The following WWOX variants were observed in gnomAD, a reference collection of about 807,000 sequenced individuals.
WWOX encodes the protein WW domain-containing oxidoreductase.
Under a neutral mutation model 46.2 loss-of-function variants are expected in WWOX, and 69 were observed. That is an observed-to-expected ratio of 1.49 (90% confidence interval 1.23 to 1.82). The LOEUF is 1.82. Among genes scored for constraint, WWOX ranks in the 40% most tolerant of loss-of-function variants. The pLI is 0.00. For synonymous variants in WWOX, 359 were observed against 202.6 expected (o/e 1.77, Z -6.56); for missense variants, 919 against 542.6 (o/e 1.69, Z -6.89).
chr16:78,670,901 G>C (rs1567478616), intron 8 of WWOX, among the ~76,000 whole-genome samples: 1 of 151,942 alleles, frequency 6.6e-6, no homozygotes, highest in Admixed American at 6.6e-5. Flanking sequence ...CATCCAATAA[G>C]AATGTCCTTA....
At chr16:78,263,595 G>C (rs537584134) in intron 5 of WWOX, among the ~76,000 whole-genome samples, 9 of 152,212 alleles carry the variant, frequency 5.9e-5, no homozygotes, top group Non-Finnish European at 1.2e-4. Flanking sequence ...GCTTTGCAGA[G>C]ACTTTGTGAT....
chr16:78,666,257 C>A (rs4887971), intron 8 of WWOX, among the ~76,000 whole-genome samples: 14 of 151,834 alleles, frequency 9.2e-5, no homozygotes, highest in African/African-American at 3.1e-4. Flanking sequence ...CCACTGCACT[C>A]TAGCCTGGGT....
intron 8 of WWOX, among the ~76,000 whole-genome samples, chr16:79,093,318 A>T (rs1428256941): frequency 6.6e-6 from 1 of 152,224 alleles, no homozygotes; most frequent in African/African-American, 2.4e-5. Context: ...AGTTGCGTTT[A>T]GGGGATGAGA....
chr16:78,396,900 T>A (rs1240195910), intron 6 of WWOX, among the ~76,000 whole-genome samples: 1 of 152,226 alleles, frequency 6.6e-6, no homozygotes, highest in African/African-American at 2.4e-5. Flanking sequence ...GGAAGTGGCT[T>A]GGATTTGGTA....
At position 79,211,832 on chromosome 16, in the gene WWOX, CTG is replaced by C. The variant is rs747157054; in HGVS notation, c.*44_*45del. The C allele has an allele frequency of 6.2e-7, 1 of 1,612,670 alleles. No individual in the cohort carries two copies. Among genetic ancestry groups the C allele is most frequent in the African/African-American group, 1.3e-5 (1 of 74,936 alleles). ...GAGCGGATGGGCACACACACCCGCC[CTG>C]TGTGTGTCCCCTCACGCAAGTGCCA... On this transcript the variant is annotated 3_prime_UTR_variant, in exon 9 of 9. Coordinates refer to ENST00000566780, the MANE Select transcript of WWOX (RefSeq NM_016373.4).
At chr16:78,622,151 A>G (rs1279316332) in intron 8 of WWOX, among the ~76,000 whole-genome samples, 3 of 152,160 alleles carry the variant, frequency 2.0e-5, no homozygotes, top group Non-Finnish European at 4.4e-5. Flanking sequence ...ACTATTGGGA[A>G]GAAATTTGGG....
intron 8 of WWOX, among the ~76,000 whole-genome samples, chr16:78,976,273 C>G (rs1160437246): frequency 1.3e-5 from 2 of 152,206 alleles, no homozygotes; most frequent in East Asian, 3.8e-4. Context: ...TCTTGTGAAA[C>G]ACTCCTACTT....
At chr16:78,881,268 T>A (rs896875732) in intron 8 of WWOX, among the ~76,000 whole-genome samples, 1 of 152,146 alleles carries the variant, frequency 6.6e-6, no homozygotes, top group Admixed American at 6.5e-5. Flanking sequence ...CCTCCCAAAG[T>A]GCTAGGGTTA....
At chr16:78,198,580 C>T (rs1398238415) in intron 5 of WWOX, among the ~76,000 whole-genome samples, 1 of 152,152 alleles carries the variant, frequency 6.6e-6, no homozygotes, top group African/African-American at 2.4e-5. Context: ...GTTTTTGATG[C>T]TCTCGTGGCT....
intron 8 of WWOX, among the ~76,000 whole-genome samples, chr16:78,815,340 A>G (rs531633051): frequency 6.6e-6 from 1 of 152,252 alleles, no homozygotes; most frequent in South Asian, 2.1e-4. Flanking sequence ...AAAAAAAAAA[A>G]AAGAAGGTTT....
intron 8 of WWOX, among the ~76,000 whole-genome samples, chr16:79,072,549 T>C (rs1054961589): frequency 6.6e-6 from 1 of 152,238 alleles, no homozygotes; most frequent in African/African-American, 2.4e-5. Context: ...GTATTCATTT[T>C]GACATGCTTT....
intron 8 of WWOX, among the ~76,000 whole-genome samples, chr16:79,117,537 GAGTC>G (rs1407539796): frequency 6.6e-6 from 1 of 152,230 alleles, no homozygotes; most frequent in African/African-American, 2.4e-5. Context: ...GCAGGGAAGA[GAGTC>G]AGCCTGTGCT....
At chr16:78,618,435 G>A (rs948948464) in intron 8 of WWOX, among the ~76,000 whole-genome samples, 1 of 152,142 alleles carries the variant, frequency 6.6e-6, no homozygotes, top group Admixed American at 6.5e-5. Context: ...CATCTTCTCT[G>A]TCTTCACATG....
intron 5 of WWOX, among the ~76,000 whole-genome samples, chr16:78,324,041 G>T (rs556877177): frequency 2.6e-5 from 4 of 152,230 alleles, no homozygotes; most frequent in African/African-American, 9.6e-5. Flanking sequence ...TTAGAGACAA[G>T]AAAAATCAAT....
At chr16:78,440,817 A>T (rs1042727920) in intron 8 of WWOX, among the ~76,000 whole-genome samples, 1 of 152,000 alleles carries the variant, frequency 6.6e-6, no homozygotes, top group Non-Finnish European at 1.5e-5. Context: ...CGGGGTTTCA[A>T]CATGTTGGCC....
At chr16:78,549,718 C>A (rs2044131160) in intron 8 of WWOX, among the ~76,000 whole-genome samples, 1 of 152,130 alleles carries the variant, frequency 6.6e-6, no homozygotes, top group African/African-American at 2.4e-5. Context: ...TTATAGGAAT[C>A]AAGTACATTC....
At chr16:78,785,036 T>C (rs12926134) in intron 8 of WWOX, among the ~76,000 whole-genome samples, 9,027 of 152,226 alleles carry the variant, frequency 0.059, 282 homozygotes, top group Middle Eastern at 0.075. Context: ...ACAGCAGTTA[T>C]AGCCAAGGAG....
At chr16:78,825,182 T>C (rs2151149313) in intron 8 of WWOX, 1 of 157,754 alleles carries the variant, frequency 6.3e-6, no homozygotes, top group Admixed American at 6.4e-5. Flanking sequence ...CCAGGTGTGT[T>C]CCATGGGCAG....
chr16:78,322,908 T>G (rs2080518571), intron 5 of WWOX, among the ~76,000 whole-genome samples: 1 of 152,204 alleles, frequency 6.6e-6, no homozygotes, highest in South Asian at 2.1e-4. Context: ...CACAACTTAC[T>G]CTGATCTCTT....
Sources: allele counts gnomAD v4.1 joint callset (sites outside exome capture counted in the v4.1 genomes callset), GRCh38; gene constraint gnomAD v4.1.1; transcripts MANE v1.5; gene names NCBI Gene and HGNC (gene_info 2026-07-23, HGNC 2026-07-21).